IGF2BP3: variants seen among roughly 807,000 people sequenced by gnomAD.
IGF2BP3 encodes the protein insulin like growth factor 2 mRNA binding protein 3.
IGF2BP3 carries 9 observed loss-of-function variants against 73.8 expected under a neutral mutation model. The ratio of observed to expected loss-of-function variants is 0.12; its 90% CI spans 0.07 to 0.21. IGF2BP3 has a LOEUF of 0.21. Among genes scored for constraint, IGF2BP3 ranks in the 10% least tolerant of loss-of-function variants. The pLI, the probability that IGF2BP3 is intolerant of heterozygous loss-of-function variation, is 1.00. For missense variants in IGF2BP3, 542 were observed against 714.0 expected (o/e 0.76, Z 2.75); for synonymous variants, 258 against 256.7 (o/e 1.01, Z -0.05).
chr7:23,378,238 G>C lies in IGF2BP3; in HGVS notation c.286-16497C>G, dbSNP rs148310150. Among the ~76,000 whole-genome samples, 1,122 of 152,100 alleles carry C rather than the reference G, an allele frequency of 7.4e-3. 7 individuals carry two copies. Among genetic ancestry groups the C allele is most frequent in the Non-Finnish European group, 0.012 (832 of 68,006 alleles). Reference sequence around the variant, plus strand: ...TTAGTCACGGAATAATGTTGCCATTGGGAGAAAGACTTTTTCTTTTCACTT... The same window carrying C: ...TTAGTCACGGAATAATGTTGCCATTCGGAGAAAGACTTTTTCTTTTCACTT... On this transcript the variant is annotated intron_variant, in intron 3 of 14. Transcript: ENST00000258729.
At chr7:23,347,549 T>C (rs781659642) in intron 7 of IGF2BP3, 51 bp downstream of exon 7, 17 of 1,582,918 alleles carry the variant, frequency 1.1e-5, no homozygotes, top group Non-Finnish European at 1.2e-5. Flanking sequence ...ATGTCAAAAA[T>C]ACAAGAGCAC....
chr7:23,468,057 A>G (rs1336137452), intron 2 of IGF2BP3: 1 of 208,366 alleles, frequency 4.8e-6, no homozygotes, highest in Non-Finnish European at 9.8e-6. Flanking sequence ...AACCCCGGAC[A>G]GAGAAGGAAA....
rs762751520 is a variant in IGF2BP3 at position 23,317,664 on chromosome 7, G to C, written c.1370C>G (p.Thr457Ser). 6.2e-7 allele frequency: 1 copy of C among 1,613,998 alleles called. No individual in the cohort carries two copies. Among genetic ancestry groups the C allele is most frequent in the South Asian group, 1.1e-5 (1 of 91,088 alleles). The change falls in exon 12 of 15, where the codon ACT becomes AGT. Residue 457 changes from threonine to serine, a missense_variant. By Grantham distance (58) the Thr-to-Ser change is moderately conservative (BLOSUM62 1). This residue lies in a region of IGF2BP3 where 303 missense variants were observed against 472.1 expected (regional missense o/e 0.64). Transcript: ENST00000258729. ...PDAKVRMVII[T>S]GPPEAQFKAQ... ...CTTGAACTGAGCCTCTGGTGGTCCAGTGATAATCACCATCCTCACTTTAGC... is the reference window on the plus strand; with the variant it reads ...CTTGAACTGAGCCTCTGGTGGTCCACTGATAATCACCATCCTCACTTTAGC...
intron 3 of IGF2BP3, among the ~76,000 whole-genome samples, chr7:23,390,378 A>AT (rs1329048906): frequency 1.3e-5 from 2 of 150,568 alleles, no homozygotes; most frequent in Non-Finnish European, 3.0e-5. Flanking sequence ...TCTGAAAAGA[A>AT]AAAAAAAAAT....
chr7:23,330,921 C>T (rs752659966), intron 10 of IGF2BP3, among the ~76,000 whole-genome samples: 10 of 152,100 alleles, frequency 6.6e-5, no homozygotes, highest in African/African-American at 1.4e-4. Context: ...CCTCAGCCTC[C>T]CGAATAGCTG....
intron 10 of IGF2BP3, among the ~76,000 whole-genome samples, chr7:23,334,647 A>G (rs957060145): frequency 9.9e-5 from 15 of 152,198 alleles, no homozygotes; most frequent in Admixed American, 3.9e-4. Context: ...CTGCTTCCCA[A>G]TGGATTTGTG....
chr7:23,370,194 T>G (rs75236850), intron 3 of IGF2BP3, among the ~76,000 whole-genome samples: 5,415 of 152,306 alleles, frequency 0.036, 321 homozygotes, highest in African/African-American at 0.12. Context: ...TACCCATTCT[T>G]GGAAATGAAA....
chr7:23,342,518 A>G (rs886086738), intron 9 of IGF2BP3, among the ~76,000 whole-genome samples: 4 of 152,182 alleles, frequency 2.6e-5, no homozygotes, highest in African/African-American at 9.7e-5. Flanking sequence ...CTAAATATAG[A>G]CAAAAAGCAA....
intron 6 of IGF2BP3, among the ~76,000 whole-genome samples, chr7:23,349,549 C>G (rs1583918250): frequency 6.6e-6 from 1 of 152,266 alleles, no homozygotes; most frequent in East Asian, 1.9e-4. Flanking sequence ...CACCCTTTCA[C>G]TGTGCTAAGG....
At chr7:23,328,173 T>C (rs1011970436) in intron 10 of IGF2BP3, among the ~76,000 whole-genome samples, 4 of 152,174 alleles carry the variant, frequency 2.6e-5, no homozygotes, top group African/African-American at 9.7e-5. Context: ...ACTACTATCA[T>C]CTTAAATCTT....
Position 23,370,561 on chromosome 7 carries a change from T to C in IGF2BP3, c.286-8820A>G, listed in dbSNP as rs560533239. On this transcript the variant is annotated intron_variant, in intron 3 of 14. Transcript: ENST00000258729. ...ATAAACCTCATAAGGGAAGGGGCCA[T>C]GTCTTACCTTTGAACTCACTGCTCA... is the stretch of plus-strand genomic sequence containing the variant. 2.2e-4 allele frequency among the ~76,000 whole-genome samples: 33 copies of C among 152,324 alleles called. No homozygotes were observed. In the South Asian group the frequency reaches 6.6e-3, roughly 31 times the overall value.
intron 2 of IGF2BP3, among the ~76,000 whole-genome samples, chr7:23,423,664 G>C (rs1240015819): frequency 1.3e-5 from 2 of 151,932 alleles, no homozygotes; most frequent in African/African-American, 2.4e-5. Context: ...TATGGTGGAG[G>C]GGGGGAAAGA....
At position 23,406,933 on chromosome 7, in the gene IGF2BP3, C is replaced by A. The variant is rs557224676; in HGVS notation, c.285+11843G>T. ...TTCAAGTCCCCACCTGACCCAGAAG[C>A]CCAGCCACCTTCACCTCTCAAAATC... On this transcript the variant is annotated intron_variant, in intron 3 of 14. Coordinates refer to ENST00000258729, the MANE Select transcript of IGF2BP3 (RefSeq NM_006547.3). Among the ~76,000 whole-genome samples the A allele has an allele frequency of 4.6e-5, 7 of 152,208 alleles. No homozygotes were observed. The South Asian group carries it at 8.3e-4, about 18-fold the overall frequency.
chr7:23,457,834 T>G (rs1388138534), intron 2 of IGF2BP3, among the ~76,000 whole-genome samples: 1 of 152,234 alleles, frequency 6.6e-6, no homozygotes, highest in African/African-American at 2.4e-5. Flanking sequence ...TTAATCTGAA[T>G]GTGCACATAT....
At chr7:23,451,815 G>A (rs1307286536) in intron 2 of IGF2BP3, among the ~76,000 whole-genome samples, 2 of 151,448 alleles carry the variant, frequency 1.3e-5, no homozygotes, top group African/African-American at 2.4e-5. Context: ...TAGTATGGAG[G>A]CAGGCGCCTA....
intron 3 of IGF2BP3, among the ~76,000 whole-genome samples, chr7:23,412,842 C>CTTTTTTTTTTTTTTTTT (rs557467066): frequency 2.7e-5 from 1 of 36,978 alleles, no homozygotes. Context: ...AGACTCTGGC[C>CTTTTTTTTTTTTTTTTT]TTTTTTTTTT....
At chr7:23,460,065 C>T (rs1004789111) in intron 2 of IGF2BP3, among the ~76,000 whole-genome samples, 1 of 145,780 alleles carries the variant, frequency 6.9e-6, no homozygotes, top group African/African-American at 2.6e-5. Flanking sequence ...ATCGTCTCTA[C>T]TAAAAATTAA....
chr7:23,464,655 G>T (rs1788522561), intron 2 of IGF2BP3, among the ~76,000 whole-genome samples: 1 of 151,320 alleles, frequency 6.6e-6, no homozygotes. Flanking sequence ...CTGCACTCCA[G>T]CCTGGGCAAC....
chr7:23,324,417 T>G (rs1324617831), intron 10 of IGF2BP3, among the ~76,000 whole-genome samples: 3 of 149,972 alleles, frequency 2.0e-5, no homozygotes, highest in Non-Finnish European at 3.0e-5. Context: ...GCTGAAATTG[T>G]GGCAATAATC....
Sources: allele counts gnomAD v4.1 joint callset (sites outside exome capture counted in the v4.1 genomes callset), GRCh38; gene constraint gnomAD v4.1.1; regional missense constraint gnomAD v4.1.1; transcripts MANE v1.5; gene names NCBI Gene and HGNC (gene_info 2026-07-23, HGNC 2026-07-21).